Variants in ZDHHC15 observed in about 807,000 individuals in gnomAD.
ZDHHC15 encodes the protein palmitoyltransferase ZDHHC15.
In ZDHHC15, 19 loss-of-function variants were observed where a neutral mutation model predicts 31.7. That is an observed-to-expected ratio of 0.60 (90% CI 0.42 to 0.88). ZDHHC15 has a LOEUF of 0.88. Ranked by LOEUF, ZDHHC15 falls within the 40% of genes least tolerant of loss-of-function variation. ZDHHC15 has a pLI of 0.00. For synonymous variants in ZDHHC15, 103 were observed against 90.0 expected, an observed-to-expected ratio of 1.14 and a Z score of -0.82; for missense variants, 209 against 251.2, an observed-to-expected ratio of 0.83 and a Z score of 1.14.
chrX:75,400,653 G>A (rs2083346500), intron 10 of ZDHHC15, among the ~76,000 whole-genome samples: 1 of 111,626 alleles, frequency 9.0e-6, no homozygotes, highest in South Asian at 3.8e-4. Context: ...TTCTACACAA[G>A]AAGATCATTT....
In ZDHHC15 at chrX:75,453,365, C is replaced by G. The variant is rs751924109; in HGVS notation, c.259-2443G>C. On this transcript the variant is annotated intron_variant, in intron 3 of 11. Transcript: ENST00000373367. ...GAAGAAGCTGAATCTCTGAATAGAC[C>G]AATAACAGGAGCTGAAATTGAGACA... Among the ~76,000 whole-genome samples the G allele has an allele frequency of 2.7e-5, 3 of 111,288 alleles. No individual in the cohort carries two copies. In the East Asian group the frequency reaches 8.5e-4, roughly 32 times the overall value.
intron 1 of ZDHHC15, among the ~76,000 whole-genome samples, chrX:75,513,828 A>G (rs2085314207): frequency 9.0e-6 from 1 of 110,818 alleles, no homozygotes; most frequent in Non-Finnish European, 1.9e-5. Flanking sequence ...TCAAATTGCC[A>G]AAAAACAAAA....
intron 2 of ZDHHC15, among the ~76,000 whole-genome samples, chrX:75,481,729 T>C (rs1202408960): frequency 1.8e-5 from 2 of 111,612 alleles, no homozygotes; most frequent in East Asian, 2.8e-4. Flanking sequence ...AGCAAAGTTA[T>C]GGAAGCAATG....
intron 10 of ZDHHC15, 73 bp from the exon 11 acceptor site, chrX:75,379,271 T>C: frequency 1.3e-5 from 14 of 1,096,168 alleles, no homozygotes; most frequent in Non-Finnish European, 1.6e-5. Flanking sequence ...TCACTGGCAG[T>C]TTTCCTTCTT....
intron 2 of ZDHHC15, among the ~76,000 whole-genome samples, chrX:75,493,437 C>A (rs1304964794): frequency 3.6e-5 from 4 of 111,713 alleles, no homozygotes; most frequent in Non-Finnish European, 5.6e-5. Flanking sequence ...TTTTATGAGG[C>A]CAGCATCATC....
chrX:75,452,787 C>G (rs1334350106), intron 3 of ZDHHC15, among the ~76,000 whole-genome samples: 3 of 111,313 alleles, frequency 2.7e-5, no homozygotes, highest in Non-Finnish European at 3.8e-5. Context: ...TGAATGACTA[C>G]TGGATAATGA....
intron 7 of ZDHHC15, among the ~76,000 whole-genome samples, chrX:75,426,278 T>G (rs1389411694): frequency 9.0e-6 from 1 of 111,694 alleles, no homozygotes; most frequent in Non-Finnish European, 1.9e-5. Context: ...TATAAATGGA[T>G]AGTAGAAAAT....
intron 1 of ZDHHC15, among the ~76,000 whole-genome samples, chrX:75,510,105 T>G (rs1433865650): frequency 1.8e-5 from 2 of 111,593 alleles, no homozygotes; most frequent in Non-Finnish European, 3.8e-5. Flanking sequence ...TTTGAAAAAG[T>G]TACTCACACC....
chrX:75,488,833 T>A (rs1277333468), intron 2 of ZDHHC15, among the ~76,000 whole-genome samples: 1 of 112,178 alleles, frequency 8.9e-6, no homozygotes, highest in Non-Finnish European at 1.9e-5. Context: ...GGTCAGGGAC[T>A]TCCGTTTCCT....
intron 2 of ZDHHC15, among the ~76,000 whole-genome samples, chrX:75,487,644 C>A (rs1476849547): frequency 1.8e-5 from 2 of 111,917 alleles, no homozygotes; most frequent in Admixed American, 1.9e-4. Context: ...ACCAAAAGAT[C>A]ACACTAGCTC....
In ZDHHC15 at chrX:75,369,979, T is replaced by C. The variant is rs1459419295; in HGVS notation, c.*2999A>G. On this transcript the variant is annotated 3_prime_UTR_variant, in exon 12 of 12. Transcript: ENST00000373367. ...AGCTGTACCATGGGGAACAATTTTT[T>C]TATTCTGTCTCTTTCTGAGGACGCT... 3 of 111,649 alleles carry C rather than the reference T, an allele frequency of 2.7e-5. No individual in the cohort carries two copies. In the East Asian group the frequency reaches 8.5e-4, roughly 31 times the overall value. The allele number at this position is 111,649 out of a possible 1,213,427, so 9.2% of individuals were successfully genotyped here. A position where few individuals can be genotyped will look rare whatever the true frequency, so the allele number is the denominator to read the frequency against.
At chrX:75,463,505 G>A (rs1602669612) in intron 3 of ZDHHC15, among the ~76,000 whole-genome samples, 2 of 110,037 alleles carry the variant, frequency 1.8e-5, no homozygotes, top group African/African-American at 6.6e-5. Context: ...CCTACAGAAT[G>A]GGAGAAAATT....
intron 11 of ZDHHC15, among the ~76,000 whole-genome samples, chrX:75,376,367 T>G (rs151191432): frequency 5.0e-4 from 55 of 110,260 alleles, no homozygotes; most frequent in African/African-American, 1.7e-3. Flanking sequence ...TTTTTGCTAC[T>G]GATAATTTCT....
At chrX:75,429,805 C>T in intron 6 of ZDHHC15, 143 bp downstream of exon 6, 2 of 521,313 alleles carry the variant, frequency 3.8e-6, no homozygotes, top group Non-Finnish European at 3.0e-6. Context: ...AAAATGTTAC[C>T]CCTCCCCTGT....
At chrX:75,480,637 A>T (rs949751953) in intron 2 of ZDHHC15, among the ~76,000 whole-genome samples, 1 of 110,734 alleles carries the variant, frequency 9.0e-6, no homozygotes, top group Middle Eastern at 4.7e-3. Context: ...AATCACCCAA[A>T]TAGTGTGTTT....
chrX:75,419,591 A>G (rs2083596590), intron 9 of ZDHHC15, among the ~76,000 whole-genome samples: 1 of 110,988 alleles, frequency 9.0e-6, no homozygotes, highest in Non-Finnish European at 1.9e-5. Flanking sequence ...CAGCCATCCC[A>G]TTACTGGGTA....
In ZDHHC15 at chrX:75,493,412, A is replaced by G. The variant is rs191362229; in HGVS notation, c.163+12409T>C. Among the ~76,000 whole-genome samples the G allele has an allele frequency of 3.6e-5, 4 of 112,028 alleles. No individual in the cohort carries two copies. In the Admixed American group the frequency reaches 3.8e-4, roughly 11 times the overall value. On this transcript the variant is annotated intron_variant, in intron 2 of 11. Transcript: ENST00000373367. ...ATTCCAATCAATAGAAAAAGGGGAA[A>G]TCCTCCCTAATTCATTTTATGAGGC...
chrX:75,401,167 A>G (rs1301760564), intron 10 of ZDHHC15, among the ~76,000 whole-genome samples: 2 of 110,459 alleles, frequency 1.8e-5, no homozygotes, highest in African/African-American at 6.6e-5. Context: ...TTTTTTTACA[A>G]ATTGGAGCAC....
intron 4 of ZDHHC15, among the ~76,000 whole-genome samples, chrX:75,444,128 A>C (rs984347088): frequency 2.7e-5 from 3 of 111,509 alleles, no homozygotes; most frequent in African/African-American, 9.8e-5. Flanking sequence ...GTATATACCC[A>C]AGGGATTATA....
Sources: gnomAD v4.1 joint callset for allele counts (sites outside exome capture counted in the v4.1 genomes callset) on GRCh38, gnomAD v4.1.1 for gene constraint, MANE v1.5 for transcripts, NCBI Gene and HGNC (gene_info 2026-07-23, HGNC 2026-07-21) for gene names.